Variants in ATP12A observed in about 807,000 individuals in gnomAD.
The protein encoded by ATP12A is ATPase H+/K+ transporting non-gastric alpha2 subunit.
Under a neutral mutation model 111.2 loss-of-function variants are expected in ATP12A, and 81 were observed. That is an observed-to-expected ratio of 0.73 (90% confidence interval 0.61 to 0.88). The LOEUF (loss-of-function observed/expected upper bound fraction) is 0.88. ATP12A is among the 40% of genes least tolerant of loss of function. The pLI is 0.00. For missense variants in ATP12A, 1,196 were observed against 1,313.1 expected (o/e 0.91, Z 1.38); for synonymous variants, 498 against 499.8 (o/e 1.00, Z 0.05).
intron 8 of ATP12A, among the ~76,000 whole-genome samples, chr13:24,691,631 T>C: frequency 7.8e-6 from 1 of 128,178 alleles, no homozygotes; most frequent in South Asian, 2.8e-4. Flanking sequence ...CACTTACCTC[T>C]CTTACGAAAA....
chr13:24,707,374 G>T lies in ATP12A; in HGVS notation c.2434G>T (p.Gly812Trp). 1 of 1,614,112 alleles carries T rather than the reference G, an allele frequency of 6.2e-7. No individual in the cohort carries two copies. Among genetic ancestry groups the T allele is most frequent in the Non-Finnish European group, 8.5e-7 (1 of 1,180,026 alleles). The change falls in exon 17 of 23, where the codon GGG (glycine) becomes TGG (tryptophan). Residue 812 changes from glycine to tryptophan, a missense_variant. Physicochemically the swap from Gly to Trp is radical, Grantham distance 184. Around this residue, in one of 3 missense-constraint regions of ATP12A, gnomAD observed 1,126 missense variants for 1,228.5 expected, o/e 0.92. Transcript: ENST00000381946. ...CCCCTTTCTGATCTACATCATTGTC[G>T]GGCTCCCCCTGCCCATTGGCACCAT... is the stretch of plus-strand genomic sequence containing the variant. ...LCPFLIYIIV[G>W]LPLPIGTITI... is the part of the protein sequence containing the mutation.
In ATP12A at chr13:24,707,111, G is replaced by C; in HGVS notation, c.2258G>C (p.Gly753Ala). The stretch of plus-strand genomic sequence containing the variant: ...ATTGGGATTGCCATGGGGATAGCAG[G>C]TTCTGATGCAGCCAAAAATGCAGCC... ...ADIGIAMGIAGSDAAKNAADM... is the reference protein window; with the variant it reads ...ADIGIAMGIAASDAAKNAADM... Residue 753 changes from glycine to alanine, a missense_variant, in exon 16 of 23, where the codon GGT becomes GCT. By Grantham distance (60) the Gly-to-Ala change is moderately conservative (BLOSUM62 0). Around this residue, in one of 3 missense-constraint regions of ATP12A, gnomAD observed 1,126 missense variants for 1,228.5 expected, o/e 0.92. Coordinates refer to ENST00000381946, the MANE Select transcript of ATP12A (RefSeq NM_001676.7). 1 of 1,614,168 alleles carries C rather than the reference G, an allele frequency of 6.2e-7. No individual in the cohort carries two copies. The highest frequency in any genetic ancestry group is 2.2e-5 in the East Asian group (1 of 44,866).
chr13:24,681,763 T>TC (rs771139028), intron 2 of ATP12A, 43 bp downstream of exon 2: 14 of 1,611,346 alleles, frequency 8.7e-6, no homozygotes, highest in Admixed American at 5.1e-5. Context: ...CTATGGCCCT[T>TC]CCCCGCAAGA....
intron 19 of ATP12A, 130 bp downstream of exon 19, chr13:24,709,958 C>T (rs1875891040): frequency 2.2e-6 from 3 of 1,350,158 alleles, no homozygotes; most frequent in East Asian, 4.8e-5. Flanking sequence ...GCTCAGGGCC[C>T]CCTTGCTGAC....
chr13:24,704,998 C>CTTTTG (rs769625215), intron 14 of ATP12A, among the ~76,000 whole-genome samples: 8 of 152,182 alleles, frequency 5.3e-5, no homozygotes, highest in East Asian at 1.9e-4. Flanking sequence ...CTCTTACTTT[C>CTTTTG]TTTTGTTTTG....
chr13:24,695,108 G>A (rs1400636987), intron 11 of ATP12A, among the ~76,000 whole-genome samples: 1 of 152,208 alleles, frequency 6.6e-6, no homozygotes, highest in African/African-American at 2.4e-5. Flanking sequence ...AGAAAGTGTT[G>A]AGAGACCAGA....
Position 24,706,464 on chromosome 13 carries a change from G to A in ATP12A, c.2169+1G>A. The A allele has an allele frequency of 6.2e-7, 1 of 1,613,550 alleles. No individual in the cohort carries two copies. ...CATTGTGGAGGGCTGTCAGAGGCAG[G>A]TGGGTGGACAGCAGTGTCCAGAGGA... On this transcript the variant is annotated splice_donor_variant, in intron 15 of 22. Coordinates refer to ENST00000381946, the MANE Select transcript of ATP12A (RefSeq NM_001676.7). LOFTEE classifies it high-confidence loss of function.
rs1270566644 is a variant in ATP12A at position 24,698,876 on chromosome 13, C to T, written c.1705+26C>T. 3.1e-6 allele frequency: 5 copies of T among 1,609,700 alleles called. No individual in the cohort carries two copies. In the South Asian group the frequency reaches 3.3e-5, roughly 11 times the overall value. On this transcript the variant is annotated intron_variant, in intron 12 of 22. Transcript: ENST00000381946. Reference sequence around the variant, plus strand: ...GTGAGTGCGGCGGCAGGGCCCTGCCCATCACCTGGTGGGCACAGAGATGAG... The same window carrying T: ...GTGAGTGCGGCGGCAGGGCCCTGCCTATCACCTGGTGGGCACAGAGATGAG...
At chr13:24,682,361 ATGTGTGGTGTGTGGTGTG>A (rs908916368) in intron 2 of ATP12A, among the ~76,000 whole-genome samples, 2 of 46,726 alleles carry the variant, frequency 4.3e-5, no homozygotes, top group Non-Finnish European at 8.3e-5. Context: ...TGTGGTGTAT[ATGTGTGGTGTGTGGTGTG>A]TGTGTGGTGT....
Position 24,689,387 on chromosome 13 carries a change from C to A in ATP12A, c.546+12C>A, listed in dbSNP as rs1470693081. On this transcript the variant is annotated intron_variant, in intron 5 of 22. Transcript: ENST00000381946. The stretch of plus-strand genomic sequence containing the variant: ...AGATGATCCCTCAGGTGAGTGGCAG[C>A]CACCTATCCTCTGGCCTCTGGTGAC... The A allele has an allele frequency of 6.2e-7, 1 of 1,602,988 alleles. No homozygotes were observed. Among genetic ancestry groups the A allele is most frequent in the Non-Finnish European group, 8.5e-7 (1 of 1,170,136 alleles).
intron 2 of ATP12A, among the ~76,000 whole-genome samples, chr13:24,683,388 A>G (rs1262310299): frequency 6.6e-6 from 1 of 152,210 alleles, no homozygotes; most frequent in African/African-American, 2.4e-5. Context: ...TCCTTGGCAG[A>G]TCTTAAAGCT....
intron 21 of ATP12A, 37 bp from the exon 22 acceptor site, chr13:24,711,281 A>T: frequency 6.4e-7 from 1 of 1,557,644 alleles, no homozygotes; most frequent in Non-Finnish European, 8.7e-7. Flanking sequence ...ATCCCTGTGG[A>T]TGAGTCAGGG....
rs751581574 is a variant in ATP12A, at chr13:24,689,309, C to A, written c.480C>A (p.Ile160=). The A allele has an allele frequency of 2.2e-5, 36 of 1,614,010 alleles. No homozygotes were observed. The highest frequency in any genetic ancestry group is 3.1e-5 in the Non-Finnish European group (36 of 1,180,012). The change falls in exon 5 of 23, where the codon ATC becomes ATA. Residue 160 remains isoleucine, a synonymous_variant. Transcript: ENST00000381946. ...VLGLVVILTG[I]FAYYQEAKST... ...GTCTGGTGGTCATTTTAACGGGGAT[C>A]TTTGCTTATTACCAAGAGGCAAAAA...
intron 17 of ATP12A, among the ~76,000 whole-genome samples, chr13:24,708,984 A>G (rs1350584521): frequency 6.6e-6 from 1 of 152,068 alleles, no homozygotes; most frequent in Admixed American, 6.5e-5. Flanking sequence ...AGAGAAATGA[A>G]TGCAAATTCT....
rs145160405 is a variant in ATP12A, at chr13:24,693,199, T to A, written c.1377+303T>A. On this transcript the variant is annotated intron_variant, in intron 10 of 22. Coordinates refer to ENST00000381946, the MANE Select transcript of ATP12A (RefSeq NM_001676.7). ...GCTAAGTGGATATAATCAAAGTTCC[T>A]TTTAATATACACACCATTCATGGAA... is the stretch of plus-strand genomic sequence containing the variant. Among the ~76,000 whole-genome samples, 834 of 152,370 alleles carry A rather than the reference T, an allele frequency of 5.5e-3. 6 individuals are homozygous for A. Among genetic ancestry groups the A allele is most frequent in the South Asian group, 1.0e-2 (48 of 4,824 alleles).
In ATP12A at chr13:24,690,362, GAGA is replaced by G. The variant is rs774842967; in HGVS notation, c.578_580del (p.Lys193del). ...GCAAGCTCTCGTCATCCGAGATTCCGAGAAGAAGACCATCCCTTCAGAGCAGCT... is the reference window on the plus strand; with the variant it reads ...GCAAGCTCTCGTCATCCGAGATTCCGAGAAGACCATCCCTTCAGAGCAGCT... On this transcript the variant is annotated inframe_deletion, in exon 6 of 23. Transcript: ENST00000381946. 162 of 1,613,288 alleles carry G rather than the reference GAGA, an allele frequency of 1.0e-4. 1 individual carries two copies. In the African/African-American group the frequency reaches 1.8e-3, roughly 18 times the overall value.
Position 24,711,769 on chromosome 13 carries a change from G to A in ATP12A, c.*247G>A. 1 of 575,442 alleles carries A rather than the reference G, an allele frequency of 1.7e-6. No homozygotes were observed. Among genetic ancestry groups the A allele is most frequent in the Non-Finnish European group, 3.1e-6 (1 of 324,234 alleles). 35.6% of individuals were successfully genotyped at this position (575,442 alleles called of 1,614,324 possible). A position where few individuals can be genotyped will look rare whatever the true frequency, so the allele number is the denominator to read the frequency against. The stretch of plus-strand genomic sequence containing the variant: ...TCATTAAAAAATACGTACATTTCGA[G>A]GTAATGGTATAGGGAAGAATGTGTT... On this transcript the variant is annotated 3_prime_UTR_variant, in exon 23 of 23. Transcript: ENST00000381946.
At chr13:24,686,992 G>A (rs189623966) in intron 3 of ATP12A, among the ~76,000 whole-genome samples, 13 of 152,184 alleles carry the variant, frequency 8.5e-5, no homozygotes, top group Non-Finnish European at 5.9e-5. Flanking sequence ...AAGTCTCTCC[G>A]GAACACCCCT....
intron 14 of ATP12A, among the ~76,000 whole-genome samples, chr13:24,705,973 A>T (rs1403641688): frequency 6.6e-6 from 1 of 152,214 alleles, no homozygotes; most frequent in Non-Finnish European, 1.5e-5. Context: ...GCGTTTGGCC[A>T]TGAATGGGCA....
Sources: gnomAD v4.1 joint callset for allele counts (sites outside exome capture counted in the v4.1 genomes callset) on GRCh38, gnomAD v4.1.1 for gene constraint, gnomAD v4.1.1 regional missense constraint, MANE v1.5 for transcripts, NCBI Gene and HGNC (gene_info 2026-07-23, HGNC 2026-07-21) for gene names.